Variants in PACS1 observed in about 807,000 individuals in gnomAD.
PACS1 encodes phosphofurin acidic cluster sorting protein 1, also known as PACS-1.
PACS1 carries 24 observed loss-of-function variants against 115.0 expected under a neutral mutation model. The ratio of observed to expected loss-of-function variants is 0.21; its 90% CI spans 0.15 to 0.29. The LOEUF is 0.29. Ranked by LOEUF, PACS1 falls within the 10% of genes least tolerant of loss-of-function variation. The probability of loss-of-function intolerance (pLI) is 1.00; values close to 1 mark genes in which losing one functional copy is unlikely to be tolerated. For synonymous variants in PACS1, 453 were observed against 504.5 expected (o/e 0.90, Z 1.37); for missense variants, 838 against 1,251.2 (o/e 0.67, Z 4.98).
chr11:66,187,483 T>C (rs921438643), intron 1 of PACS1, among the ~76,000 whole-genome samples: 1 of 152,246 alleles, frequency 6.6e-6, no homozygotes, highest in African/African-American at 2.4e-5. Flanking sequence ...TCTCAGCCTC[T>C]GGTATCATCT....
intron 1 of PACS1, among the ~76,000 whole-genome samples, chr11:66,189,339 T>C (rs1854463340): frequency 6.6e-6 from 1 of 152,256 alleles, no homozygotes; most frequent in Non-Finnish European, 1.5e-5. Context: ...CCTAAGGTAC[T>C]AAATCTTTCT....
intron 20 of PACS1, 57 bp downstream of exon 20, chr11:66,238,903 C>G (rs1254983258): frequency 2.7e-6 from 4 of 1,506,040 alleles, no homozygotes; most frequent in Non-Finnish European, 3.6e-6. Flanking sequence ...CCTGTCTTCC[C>G]TCTAGTCCAG....
At chr11:66,142,894 T>C (rs547282) in intron 1 of PACS1, among the ~76,000 whole-genome samples, 149,134 of 151,188 alleles carry the variant, frequency 0.99, 73,579 homozygotes, top group Middle Eastern at 1. Flanking sequence ...TGTTAGCCAC[T>C]TTCATGGAAA....
chr11:66,173,461 A>G (rs917381024), intron 1 of PACS1, among the ~76,000 whole-genome samples: 4 of 152,170 alleles, frequency 2.6e-5, no homozygotes, highest in Non-Finnish European at 5.9e-5. Context: ...TAATCCTAGC[A>G]CTTTGGGAGG....
At chr11:66,109,632 C>T (rs530459441) in intron 1 of PACS1, among the ~76,000 whole-genome samples, 1 of 152,208 alleles carries the variant, frequency 6.6e-6, no homozygotes, top group African/African-American at 2.4e-5. Context: ...TCTCCCCAGC[C>T]TTTATCTTCC....
chr11:66,082,688 T>C (rs1342466008), intron 1 of PACS1, among the ~76,000 whole-genome samples: 1 of 152,122 alleles, frequency 6.6e-6, no homozygotes, highest in African/African-American at 2.4e-5. Flanking sequence ...ACTCCATCTT[T>C]ACTAAAAATA....
chr11:66,134,031 G>T (rs1273911632), intron 1 of PACS1, among the ~76,000 whole-genome samples: 3 of 151,934 alleles, frequency 2.0e-5, no homozygotes, highest in Non-Finnish European at 4.4e-5. Flanking sequence ...TGAGAACCTA[G>T]CTCTAACATA....
At chr11:66,241,241 G>A (rs1855807948) in intron 21 of PACS1, 186 bp from the exon 22 acceptor site, 1 of 554,754 alleles carries the variant, frequency 1.8e-6, no homozygotes, top group Non-Finnish European at 3.2e-6. Context: ...ATTCTCCCCA[G>A]CTTTGTTCTC....
At chr11:66,194,720 A>T (rs1307769765) in intron 2 of PACS1, among the ~76,000 whole-genome samples, 1 of 152,180 alleles carries the variant, frequency 6.6e-6, no homozygotes, top group Non-Finnish European at 1.5e-5. Flanking sequence ...ATTCTTATTC[A>T]TTGAAAAATA....
At chr11:66,180,892 C>T (rs1443823887) in intron 1 of PACS1, among the ~76,000 whole-genome samples, 1 of 152,176 alleles carries the variant, frequency 6.6e-6, no homozygotes, top group Non-Finnish European at 1.5e-5. Flanking sequence ...CCCCTGGGCT[C>T]AAGTGATCCA....
rs150681244 is a variant in PACS1, at chr11:66,139,469, A to G, written c.357-54017A>G. Among the ~76,000 whole-genome samples, 714 of 144,448 alleles carry G rather than the reference A, an allele frequency of 4.9e-3. 8 individuals carry two copies. The highest frequency in any genetic ancestry group is 0.015 in the African/African-American group (587 of 38,830). 94.8% of individuals were successfully genotyped at this position (144,448 alleles called of 152,430 possible). ...TTTTTTTAATCCATTAGCCCTCCCC[A>G]CTTCCCTCCCATCCACCCCCCTAAC... On this transcript the variant is annotated intron_variant, in intron 1 of 23. Coordinates refer to ENST00000320580, the MANE Select transcript of PACS1 (RefSeq NM_018026.4).
At chr11:66,091,200 A>G (rs1392921408) in intron 1 of PACS1, among the ~76,000 whole-genome samples, 3 of 152,074 alleles carry the variant, frequency 2.0e-5, no homozygotes, top group East Asian at 3.9e-4. Flanking sequence ...GGAGTGCAGT[A>G]GTGGATCTCA....
At chr11:66,084,393 A>G (rs1857534374) in intron 1 of PACS1, among the ~76,000 whole-genome samples, 1 of 152,194 alleles carries the variant, frequency 6.6e-6, no homozygotes, top group Non-Finnish European at 1.5e-5. Context: ...CTCACAGGCC[A>G]TTGTGGGACT....
At chr11:66,162,688 G>A (rs994606358) in intron 1 of PACS1, among the ~76,000 whole-genome samples, 5 of 152,360 alleles carry the variant, frequency 3.3e-5, no homozygotes, top group South Asian at 2.1e-4. Flanking sequence ...CAAGTTTGTG[G>A]TAATTTGTTG....
intron 10 of PACS1, among the ~76,000 whole-genome samples, chr11:66,222,364 G>A (rs1310624725): frequency 6.6e-6 from 1 of 152,124 alleles, no homozygotes; most frequent in African/African-American, 2.4e-5. Context: ...TTTCTGGTGA[G>A]CAAGGGGAAA....
intron 1 of PACS1, among the ~76,000 whole-genome samples, chr11:66,173,092 T>G (rs7126075): frequency 0.2 from 27,044 of 133,952 alleles, 2,445 homozygotes; most frequent in East Asian, 0.34. Flanking sequence ...TTGATTTTGG[T>G]TTTTTTTTTT....
At chr11:66,204,450 A>C (rs1183344787) in intron 2 of PACS1, among the ~76,000 whole-genome samples, 1 of 152,206 alleles carries the variant, frequency 6.6e-6, no homozygotes, top group African/African-American at 2.4e-5. Flanking sequence ...GTAGGAATGT[A>C]AGTTAGTATA....
intron 1 of PACS1, among the ~76,000 whole-genome samples, chr11:66,168,179 G>A (rs2134635543): frequency 6.6e-6 from 1 of 150,538 alleles, no homozygotes; most frequent in Admixed American, 6.6e-5. Context: ...TGGGATGACA[G>A]GCATGAGCCA....
intron 1 of PACS1, among the ~76,000 whole-genome samples, chr11:66,166,853 G>T (rs2134633793): frequency 6.6e-6 from 1 of 150,500 alleles, no homozygotes; most frequent in Non-Finnish European, 1.5e-5. Context: ...AACCCTATGA[G>T]TTGGTATTAT....
Sources: gnomAD v4.1 joint callset for allele counts (sites outside exome capture counted in the v4.1 genomes callset) on GRCh38, gnomAD v4.1.1 for gene constraint, MANE v1.5 for transcripts, NCBI Gene and HGNC (gene_info 2026-07-23, HGNC 2026-07-21) for gene names.